Variants in FCGRT observed in about 807,000 individuals in gnomAD.
FCGRT encodes the protein IgG receptor FcRn large subunit p51.
Under a neutral mutation model 35.7 loss-of-function variants are expected in FCGRT, and 13 were observed. That is an observed-to-expected ratio of 0.36 (90% CI 0.24 to 0.58). The LOEUF (loss-of-function observed/expected upper bound fraction) is 0.58, where lower values mean the gene tolerates loss of function less well. FCGRT is among the 20% of genes least tolerant of loss of function. The probability of loss-of-function intolerance (pLI) is 0.77; values close to 1 mark genes in which losing one functional copy is unlikely to be tolerated. For synonymous variants in FCGRT, 233 were observed against 216.5 expected (o/e 1.08, Z -0.67); for missense variants, 455 against 474.9 (o/e 0.96, Z 0.39).
chr19:49,525,658 C>CAG (rs55662447), intron 6 of FCGRT, 85 bp downstream of exon 6: 2 of 914,752 alleles, frequency 2.2e-6, no homozygotes, highest in Admixed American at 3.9e-5. Context: ...GACAGAGACC[C>CAG]AGAGAGGGGG....
At position 49,513,348 on chromosome 19, in the gene FCGRT, C is replaced by CG. The variant is rs2079984730; in HGVS notation, c.-14-34dup. 6 of 987,728 alleles carry CG rather than the reference C, an allele frequency of 6.1e-6. 1 individual carries two copies. Among genetic ancestry groups the CG allele is most frequent in the South Asian group, 5.2e-5 (1 of 19,076 alleles). 61.2% of individuals were successfully genotyped at this position (987,728 alleles called of 1,614,324 possible). A position where few individuals can be genotyped will look rare whatever the true frequency, so the allele number is the denominator to read the frequency against. On this transcript the variant is annotated intron_variant, in intron 1 of 6. Transcript: ENST00000221466. Reference sequence around the variant, plus strand: ...GGTGTCCCGGGAGGAAGGGGCGGGCCGGGGGTCGGGAGGAGTCACGTGCCC... The same window carrying CG: ...GGTGTCCCGGGAGGAAGGGGCGGGCCGGGGGGTCGGGAGGAGTCACGTGCCC...
At chr19:49,517,228 C>T (rs368434008) in intron 4 of FCGRT, among the ~76,000 whole-genome samples, 2 of 151,982 alleles carry the variant, frequency 1.3e-5, no homozygotes, top group African/African-American at 2.4e-5. Flanking sequence ...CAGTGGCTCA[C>T]GCCTGTAATT....
In FCGRT at chr19:49,525,289, AC is replaced by A; in HGVS notation, c.872-166del. On this transcript the variant is annotated intron_variant, in intron 5 of 6. Transcript: ENST00000221466. ...GTGCTGTAGCTGGTTCTTACGTCCA[AC>A]CTGGGGGCAGTCTGCCCAGATCGCC... 3 of 657,822 alleles carry A rather than the reference AC, an allele frequency of 4.6e-6. No homozygotes were observed. The South Asian group carries it at 4.9e-5, about 11-fold the overall frequency. The allele number at this position is 657,822 out of a possible 1,614,324, so 40.7% of individuals were successfully genotyped here.
intron 4 of FCGRT, among the ~76,000 whole-genome samples, chr19:49,518,043 C>G (rs1165970463): frequency 6.6e-6 from 1 of 152,074 alleles, no homozygotes; most frequent in African/African-American, 2.4e-5. Flanking sequence ...CCAGGCTGGT[C>G]TCGAACCCTC....
rs2079995874 is a variant in FCGRT at position 49,514,570 on chromosome 19, AT to A, written c.601+85del. ...CTCAGTTCCCCTGCCAGGACCCTCC[AT>A]CAGCCTCCCACTGCAGCCCACGCTC... On this transcript the variant is annotated intron_variant, in intron 4 of 6. Coordinates refer to ENST00000221466, the MANE Select transcript of FCGRT (RefSeq NM_001136019.3). The A allele has an allele frequency of 4.3e-5, 57 of 1,334,610 alleles. No homozygotes were observed. In the South Asian group the frequency reaches 8.2e-4, roughly 19 times the overall value. The allele number at this position is 1,334,610 out of a possible 1,614,324, so 82.7% of individuals were successfully genotyped here.
rs935298189 is a variant in FCGRT, at chr19:49,525,946, A to G, written c.989-64A>G. The stretch of plus-strand genomic sequence containing the variant: ...TGTGAGACACACACACAAATGGGGG[A>G]CGCCAGTCAGACCCAGAGCGCCTCA... On this transcript the variant is annotated intron_variant, in intron 6 of 6. Coordinates refer to ENST00000221466, the MANE Select transcript of FCGRT (RefSeq NM_001136019.3). 35 of 950,266 alleles carry G rather than the reference A, an allele frequency of 3.7e-5. No individual in the cohort carries two copies. In the African/African-American group the frequency reaches 3.9e-4, roughly 10 times the overall value. The allele number at this position is 950,266 out of a possible 1,614,324, so 58.9% of individuals were successfully genotyped here.
intron 4 of FCGRT, among the ~76,000 whole-genome samples, chr19:49,522,072 ATTT>A (rs755024984): frequency 6.3e-5 from 9 of 142,682 alleles, no homozygotes; most frequent in Non-Finnish European, 1.2e-4. Context: ...AAGTTTATGA[ATTT>A]TTTTTTTTTT....
chr19:49,525,426 C>A, intron 5 of FCGRT, 31 bp from the exon 6 acceptor site: 1 of 1,537,048 alleles, frequency 6.5e-7, no homozygotes, highest in Non-Finnish European at 9.0e-7. Flanking sequence ...GGAGGGGCTG[C>A]TCCACATCTC....
At chr19:49,524,862 TC>T in intron 5 of FCGRT, 86 bp downstream of exon 5, 1 of 1,277,590 alleles carries the variant, frequency 7.8e-7, no homozygotes, top group Non-Finnish European at 1.1e-6. Context: ...CTGACCTTCC[TC>T]CCCACTGCTG....
In FCGRT at chr19:49,524,840, T is replaced by A. The variant is rs760700869; in HGVS notation, c.871+64T>A. On this transcript the variant is annotated intron_variant, in intron 5 of 6. Coordinates refer to ENST00000221466, the MANE Select transcript of FCGRT (RefSeq NM_001136019.3). ...TTGCCTTGTCTCACTGCTGCGCCGGTCCTTCCTGAGTCTGACCTTCCTCCC... is the reference window on the plus strand; with the variant it reads ...TTGCCTTGTCTCACTGCTGCGCCGGACCTTCCTGAGTCTGACCTTCCTCCC... 2.1e-5 allele frequency: 31 copies of A among 1,484,274 alleles called. No homozygotes were observed. In the South Asian group the frequency reaches 3.7e-4, roughly 18 times the overall value. 91.9% of individuals were successfully genotyped at this position (1,484,274 alleles called of 1,614,324 possible).
Position 49,513,457 on chromosome 19 carries a change from TG to T in FCGRT, c.60del (p.Ser21AlafsTer39). 8.0e-7 allele frequency: 1 copy of T among 1,242,840 alleles called. No individual in the cohort carries two copies. The highest frequency in any genetic ancestry group is 1.0e-6 in the Non-Finnish European group (1 of 987,296). The allele number at this position is 1,242,840 out of a possible 1,614,324, so 77.0% of individuals were successfully genotyped here. A position where few individuals can be genotyped will look rare whatever the true frequency, so the allele number is the denominator to read the frequency against. On this transcript the variant is annotated frameshift_variant, in exon 2 of 7. Coordinates refer to ENST00000221466, the MANE Select transcript of FCGRT (RefSeq NM_001136019.3). LOFTEE classifies it high-confidence loss of function. ...ALGLLLFLLPGSLGAESHLSL... is the reference protein window; with the variant it reads ...ALGLLLFLLPXSLGAESHLSL... ...TGGGGCTCCTGCTCTTTCTCCTTCC[TG>T]GGAGCCTGGGCGCAGGTGAGGGCCG...
At chr19:49,514,756 C>A (rs1007508442) in intron 4 of FCGRT, among the ~76,000 whole-genome samples, 71 of 150,318 alleles carry the variant, frequency 4.7e-4, no homozygotes, top group African/African-American at 1.7e-3. Context: ...TGTAATGGCG[C>A]GATCTCGGCT....
Position 49,524,673 on chromosome 19 carries a change from C to T in FCGRT, c.768C>T (p.Ser256=). 1 of 1,605,370 alleles carries T rather than the reference C, an allele frequency of 6.2e-7. No homozygotes were observed. The highest frequency in any genetic ancestry group is 8.5e-7 in the Non-Finnish European group (1 of 1,179,980). ...QGDFGPNSDG[S]FHASSSLTVK... is the part of the protein sequence containing the mutation. The stretch of plus-strand genomic sequence containing the variant: ...ACTTCGGCCCCAACAGTGACGGATC[C>T]TTCCACGCCTCGTCGTCACTAACAG... The change falls in exon 5 of 7, where the codon TCC becomes TCT. Residue 256 remains serine, a synonymous_variant. Transcript: ENST00000221466.
chr19:49,523,776 C>T (rs935831013), intron 4 of FCGRT, among the ~76,000 whole-genome samples: 3 of 149,300 alleles, frequency 2.0e-5, no homozygotes, highest in Non-Finnish European at 4.4e-5. Flanking sequence ...AGGAGAATGG[C>T]GTGAACCCAG....
Position 49,526,042 on chromosome 19 carries a change from GGGGTCCTCCTGCCC to G in FCGRT, c.1022_1035del (p.Gly341AspfsTer9). On this transcript the variant is annotated frameshift_variant, in exon 7 of 7. Coordinates refer to ENST00000221466, the MANE Select transcript of FCGRT (RefSeq NM_001136019.3). Reference sequence around the variant, plus strand: ...GATCTCCCTTCGTGGAGACGACACCGGGGTCCTCCTGCCCACCCCAGGGGAGGCCCAGGATGCTG... The same window carrying G: ...GATCTCCCTTCGTGGAGACGACACCGACCCCAGGGGAGGCCCAGGATGCTG... The G allele has an allele frequency of 3.7e-6, 6 of 1,613,030 alleles. No individual in the cohort carries two copies. The highest frequency in any genetic ancestry group is 5.1e-6 in the Non-Finnish European group (6 of 1,179,262).
chr19:49,515,627 A>G (rs2080003075), intron 4 of FCGRT, among the ~76,000 whole-genome samples: 1 of 152,066 alleles, frequency 6.6e-6, no homozygotes, highest in Non-Finnish European at 1.5e-5. Flanking sequence ...GCATCTCACT[A>G]TGCTGCCCAG....
chr19:49,517,566 G>A (rs56164649), intron 4 of FCGRT, among the ~76,000 whole-genome samples: 19,355 of 151,234 alleles, frequency 0.13, 1,662 homozygotes, highest in African/African-American at 0.24. Flanking sequence ...GGAAGGAAGC[G>A]AGCATCCCAT....
chr19:49,523,726 G>T (rs1318058462), intron 4 of FCGRT, among the ~76,000 whole-genome samples: 1 of 150,606 alleles, frequency 6.6e-6, no homozygotes, highest in Non-Finnish European at 1.5e-5. Flanking sequence ...CAAGTGTGGT[G>T]GTGGGCACCT....
rs936959203 is a variant in FCGRT, at chr19:49,513,382, C to T, written c.-14-5C>T. The T allele has an allele frequency of 5.7e-6, 7 of 1,238,350 alleles. No individual in the cohort carries two copies. Among genetic ancestry groups the T allele is most frequent in the Non-Finnish European group, 6.1e-6 (6 of 982,150 alleles). 76.7% of individuals were successfully genotyped at this position (1,238,350 alleles called of 1,614,324 possible). A position where few individuals can be genotyped will look rare whatever the true frequency, so the allele number is the denominator to read the frequency against. On this transcript the variant is annotated splice_polypyrimidine_tract_variant and splice_region_variant and intron_variant, in intron 1 of 6. Coordinates refer to ENST00000221466, the MANE Select transcript of FCGRT (RefSeq NM_001136019.3). ...GGAGGAGTCACGTGCCCCCTCCCGC[C>T]CCAGGTCGTCCTCTCAGCATGGGGG... is the stretch of plus-strand genomic sequence containing the variant.
Sources: gnomAD v4.1 joint callset for allele counts (sites outside exome capture counted in the v4.1 genomes callset) on GRCh38, gnomAD v4.1.1 for gene constraint, MANE v1.5 for transcripts, NCBI Gene and HGNC (gene_info 2026-07-23, HGNC 2026-07-21) for gene names.